Variants in ROBO1 observed in about 807,000 individuals in gnomAD.
The protein encoded by ROBO1 is roundabout homolog 1.
A neutral mutation model predicts 195.9 loss-of-function variants in ROBO1; 149 were observed. The observed-to-expected ratio is 0.76, with a 90% CI of 0.67 to 0.87. The LOEUF (loss-of-function observed/expected upper bound fraction) is 0.87, where lower values mean the gene tolerates loss of function less well. ROBO1 is among the 40% of genes least tolerant of loss of function. ROBO1 has a pLI of 0.00. For missense variants in ROBO1, 1,933 were observed against 2,068.3 expected, an observed-to-expected ratio of 0.93 and a Z score of 1.27; for synonymous variants, 816 against 733.2, an observed-to-expected ratio of 1.11 and a Z score of -1.82.
Position 79,570,294 on chromosome 3 carries a change from A to T in ROBO1, c.88+19530T>A, listed in dbSNP as rs1285079432. On this transcript the variant is annotated intron_variant, in intron 2 of 30. Transcript: ENST00000464233. Reference sequence around the variant, plus strand: ...AAGGGATTTGAATTATAATGAAAAAAAAAAAACTGTTTTCTAATTGCAGTT... The same window carrying T: ...AAGGGATTTGAATTATAATGAAAAATAAAAAACTGTTTTCTAATTGCAGTT... 2.6e-5 allele frequency among the ~76,000 whole-genome samples: 4 copies of T among 151,984 alleles called. No homozygotes were observed. In the East Asian group the frequency reaches 7.7e-4, roughly 29 times the overall value.
intron 2 of ROBO1, among the ~76,000 whole-genome samples, chr3:79,300,203 G>A (rs943613741): frequency 6.6e-6 from 1 of 152,170 alleles, no homozygotes; most frequent in African/African-American, 2.4e-5. Context: ...CCCTCAGCTA[G>A]CAGGGAGGTG....
chr3:78,637,590 G>A (rs1354631788), intron 22 of ROBO1, among the ~76,000 whole-genome samples: 1 of 152,174 alleles, frequency 6.6e-6, no homozygotes, highest in Non-Finnish European at 1.5e-5. Context: ...ATAGCCATCT[G>A]TTGCCAATGG....
At chr3:78,998,031 T>G (rs1447188368) in intron 3 of ROBO1, among the ~76,000 whole-genome samples, 1 of 152,188 alleles carries the variant, frequency 6.6e-6, no homozygotes, top group Non-Finnish European at 1.5e-5. Flanking sequence ...ACCTCTAATT[T>G]TATTCTAGAC....
At chr3:79,008,659 A>G (rs1327015035) in intron 3 of ROBO1, among the ~76,000 whole-genome samples, 5 of 151,602 alleles carry the variant, frequency 3.3e-5, no homozygotes, top group Admixed American at 6.6e-5. Flanking sequence ...AAAGGCATGA[A>G]CACAGCTCAC....
intron 4 of ROBO1, among the ~76,000 whole-genome samples, chr3:78,799,494 A>G (rs1303450665): frequency 3.9e-5 from 6 of 151,984 alleles, no homozygotes; most frequent in Admixed American, 2.6e-4. Context: ...GGCGCCCACC[A>G]CCATGCCCGG....
chr3:79,719,290 G>A (rs1702607431), intron 1 of ROBO1, among the ~76,000 whole-genome samples: 1 of 151,774 alleles, frequency 6.6e-6, no homozygotes, highest in Admixed American at 6.6e-5. Flanking sequence ...CATTAATTTG[G>A]GTTCATTTTA....
chr3:79,451,630 TTTAG>T (rs2039444941), intron 2 of ROBO1, among the ~76,000 whole-genome samples: 1 of 152,226 alleles, frequency 6.6e-6, no homozygotes, highest in Middle Eastern at 3.4e-3. Flanking sequence ...CTGTGTTTAG[TTTAG>T]TGGATTGATT....
chr3:79,444,597 ACTC>A (rs1231671525), intron 2 of ROBO1, among the ~76,000 whole-genome samples: 1 of 152,060 alleles, frequency 6.6e-6, no homozygotes, highest in Non-Finnish European at 1.5e-5. Flanking sequence ...AAGCAATTCA[ACTC>A]CTAGATTTCT....
chr3:79,364,436 C>G (rs562120096), intron 2 of ROBO1, among the ~76,000 whole-genome samples: 2 of 151,640 alleles, frequency 1.3e-5, no homozygotes, highest in South Asian at 4.2e-4. Flanking sequence ...TCAGAAATAT[C>G]TCCATTTGTT....
chr3:78,939,711 A>C (rs1343516870), intron 3 of ROBO1, among the ~76,000 whole-genome samples: 1 of 150,658 alleles, frequency 6.6e-6, no homozygotes, highest in African/African-American at 2.5e-5. Context: ...AGACTTTTAT[A>C]TCTTCCTAAA....
At chr3:79,517,468 G>T (rs1389422752) in intron 2 of ROBO1, among the ~76,000 whole-genome samples, 4 of 152,084 alleles carry the variant, frequency 2.6e-5, no homozygotes, top group Non-Finnish European at 5.9e-5. Context: ...GCTCCTTTCA[G>T]CCTATTAACC....
At chr3:79,678,690 T>A (rs1231817412) in intron 1 of ROBO1, among the ~76,000 whole-genome samples, 1 of 152,100 alleles carries the variant, frequency 6.6e-6, no homozygotes, top group Non-Finnish European at 1.5e-5. Flanking sequence ...AGTAGTTTGA[T>A]AATGTTACAA....
intron 3 of ROBO1, among the ~76,000 whole-genome samples, chr3:79,028,375 G>A (rs2078238049): frequency 6.6e-6 from 1 of 151,416 alleles, no homozygotes; most frequent in Non-Finnish European, 1.5e-5. Context: ...ATCATCATAA[G>A]AATTTTTTTC....
At chr3:79,662,689 C>T (rs1367050558) in intron 1 of ROBO1, among the ~76,000 whole-genome samples, 1 of 152,054 alleles carries the variant, frequency 6.6e-6, no homozygotes, top group Non-Finnish European at 1.5e-5. Flanking sequence ...TTCCCTCTGC[C>T]TCTCAAATTC....
chr3:79,450,673 T>C (rs550462134), intron 2 of ROBO1, among the ~76,000 whole-genome samples: 3 of 152,158 alleles, frequency 2.0e-5, no homozygotes, highest in East Asian at 3.9e-4. Flanking sequence ...CTCCTTTCTA[T>C]AGTGGCATTT....
chr3:79,528,032 T>C (rs1941506697), intron 2 of ROBO1: 1 of 24,914 alleles, frequency 4.0e-5, no homozygotes, highest in African/African-American at 5.7e-4. Context: ...GAGTTCAAAT[T>C]TTGCTTTTGA....
At chr3:79,202,007 G>T (rs1359224724) in intron 2 of ROBO1, among the ~76,000 whole-genome samples, 2 of 151,574 alleles carry the variant, frequency 1.3e-5, no homozygotes, top group Non-Finnish European at 2.9e-5. Flanking sequence ...TTCTTTGCCT[G>T]ATAACTCTTA....
At chr3:78,676,854 A>T (rs1016614087) in intron 10 of ROBO1, among the ~76,000 whole-genome samples, 10 of 152,088 alleles carry the variant, frequency 6.6e-5, no homozygotes, top group Non-Finnish European at 1.5e-4. Context: ...GAGAAGAGCA[A>T]CTCCAAGACA....
chr3:79,764,390 A>G (rs1338976718), intron 1 of ROBO1, among the ~76,000 whole-genome samples: 2 of 152,216 alleles, frequency 1.3e-5, no homozygotes, highest in East Asian at 3.8e-4. Context: ...GTATGCTATC[A>G]TGTTTTTGTC....
Sources: allele counts gnomAD v4.1 joint callset (sites outside exome capture counted in the v4.1 genomes callset), GRCh38; gene constraint gnomAD v4.1.1; transcripts MANE v1.5; gene names NCBI Gene and HGNC (gene_info 2026-07-23, HGNC 2026-07-21).